ZNF654: variants seen among roughly 807,000 people sequenced by gnomAD.
The protein encoded by ZNF654 is melanoma-associated antigen.
ZNF654 carries 19 observed loss-of-function variants against 95.3 expected under a neutral mutation model. That is an observed-to-expected ratio of 0.20 (90% confidence interval 0.14 to 0.29). ZNF654 has a LOEUF of 0.29. Ranked by LOEUF, ZNF654 falls within the 10% of genes least tolerant of loss-of-function variation. ZNF654 has a pLI of 1.00. For synonymous variants in ZNF654, 413 were observed against 457.9 expected, an observed-to-expected ratio of 0.90 and a Z score of 1.25; for missense variants, 1,046 against 1,341.0, an observed-to-expected ratio of 0.78 and a Z score of 3.44.
At chr3:88,060,283 G>C (rs1246535201) in intron 1 of ZNF654, among the ~76,000 whole-genome samples, 1 of 152,006 alleles carries the variant, frequency 6.6e-6, no homozygotes, top group Non-Finnish European at 1.5e-5. Context: ...GTGTCTGAAC[G>C]GTGACATTAA....
chr3:88,104,113 C>G (rs1435935270), intron 2 of ZNF654, among the ~76,000 whole-genome samples: 3 of 152,012 alleles, frequency 2.0e-5, no homozygotes, highest in African/African-American at 7.2e-5. Context: ...TGTATGTAAT[C>G]AAAAACTGAG....
At chr3:88,094,673 C>A (rs1703953683) in intron 2 of ZNF654, among the ~76,000 whole-genome samples, 1 of 152,020 alleles carries the variant, frequency 6.6e-6, no homozygotes, top group African/African-American at 2.4e-5. Context: ...AAAAGTTATT[C>A]TTTAAAAGAT....
chr3:88,060,567 A>C (rs1290630404), intron 1 of ZNF654, among the ~76,000 whole-genome samples: 1 of 152,176 alleles, frequency 6.6e-6, no homozygotes, highest in African/African-American at 2.4e-5. Flanking sequence ...TTCTGGCTCC[A>C]CCATCTCCTG....
At chr3:88,104,441 A>G (rs569103543) in intron 2 of ZNF654, among the ~76,000 whole-genome samples, 1 of 152,280 alleles carries the variant, frequency 6.6e-6, no homozygotes, top group East Asian at 1.9e-4. Context: ...ACATAAATTA[A>G]TGGATAGCGT....
intron 1 of ZNF654, among the ~76,000 whole-genome samples, chr3:88,067,027 T>A (rs1167606556): frequency 6.6e-6 from 1 of 151,992 alleles, no homozygotes; most frequent in Non-Finnish European, 1.5e-5. Flanking sequence ...ACATTAACAC[T>A]CTCTACTGTC....
chr3:88,094,963 A>G (rs1419687052), intron 2 of ZNF654, among the ~76,000 whole-genome samples: 4 of 152,134 alleles, frequency 2.6e-5, no homozygotes, highest in Non-Finnish European at 4.4e-5. Flanking sequence ...AAGAAAACTT[A>G]TGAGAAATTA....
intron 2 of ZNF654, among the ~76,000 whole-genome samples, chr3:88,108,175 C>T (rs1242348505): frequency 6.6e-6 from 1 of 151,786 alleles, no homozygotes; most frequent in South Asian, 2.1e-4. Context: ...ATTCAGGTCA[C>T]GACCTACATG....
At chr3:88,095,402 C>T (rs372657851) in intron 2 of ZNF654, 23 of 328,184 alleles carry the variant, frequency 7.0e-5, no homozygotes, top group African/African-American at 4.5e-4. Context: ...CAGGGATCAC[C>T]CCCTTTTAGC....
intron 5 of ZNF654, among the ~76,000 whole-genome samples, chr3:88,129,445 A>T (rs1706317568): frequency 6.6e-6 from 1 of 151,916 alleles, no homozygotes; most frequent in African/African-American, 2.4e-5. Context: ...TCTTTTCCTA[A>T]TATGGATCGT....
chr3:88,127,139 G>A (rs1706157222), intron 4 of ZNF654, among the ~76,000 whole-genome samples: 2 of 152,156 alleles, frequency 1.3e-5, no homozygotes, highest in Non-Finnish European at 1.5e-5. Flanking sequence ...GAGAGCCAAT[G>A]GAGTTTAGTT....
chr3:88,139,389 T>C lies in ZNF654; in HGVS notation c.1720T>C (p.Cys574Arg). Residue 574 changes from cysteine to arginine, a missense_variant, in exon 8 of 9, where the codon TGT becomes CGT. By Grantham distance (180) the Cys-to-Arg change is radical. This residue lies in a region of ZNF654 where 7 missense variants were observed against 26.7 expected (regional missense o/e 0.26). Transcript: ENST00000636215. ...TCATCAGAAAAAAGGCAGTTTTGCATGTGTAATATGTGGTAGGAAATTTAG... is the reference window on the plus strand; with the variant it reads ...TCATCAGAAAAAAGGCAGTTTTGCACGTGTAATATGTGGTAGGAAATTTAG... ...QAHQKKGSFA[C>R]VICGRKFRNR... 1 of 1,613,670 alleles carries C rather than the reference T, an allele frequency of 6.2e-7. No individual in the cohort carries two copies.
chr3:88,138,504 C>A (rs189616637), intron 7 of ZNF654, among the ~76,000 whole-genome samples: 3 of 151,866 alleles, frequency 2.0e-5, no homozygotes, highest in Non-Finnish European at 4.4e-5. Context: ...GCTATCTATT[C>A]CAGATTATTT....
intron 3 of ZNF654, among the ~76,000 whole-genome samples, chr3:88,113,711 G>A (rs1249378445): frequency 1.3e-5 from 2 of 152,062 alleles, no homozygotes; most frequent in Non-Finnish European, 2.9e-5. Context: ...ACTACTTACT[G>A]GGAAGCAACC....
At chr3:88,074,349 T>TTTA (rs1247433856) in intron 1 of ZNF654, among the ~76,000 whole-genome samples, 3 of 150,560 alleles carry the variant, frequency 2.0e-5, no homozygotes, top group Middle Eastern at 3.4e-3. Flanking sequence ...TCTTACTTTT[T>TTTA]TTTTTTTTTT....
At chr3:88,138,303 T>G (rs540568240) in intron 7 of ZNF654, among the ~76,000 whole-genome samples, 1 of 152,110 alleles carries the variant, frequency 6.6e-6, no homozygotes, top group African/African-American at 2.4e-5. Context: ...TGTGGAAAAT[T>G]GATAAATCTG....
At chr3:88,093,055 T>G (rs1302225967) in intron 2 of ZNF654, among the ~76,000 whole-genome samples, 3 of 152,220 alleles carry the variant, frequency 2.0e-5, no homozygotes, top group Non-Finnish European at 4.4e-5. Flanking sequence ...TGACTATCCT[T>G]ATAAGATGTA....
At chr3:88,088,128 A>G (rs539755155) in intron 2 of ZNF654, among the ~76,000 whole-genome samples, 1 of 152,236 alleles carries the variant, frequency 6.6e-6, no homozygotes. Context: ...CCTTGGAGCA[A>G]TGACCTTTGC....
In ZNF654 at chr3:88,116,416, A is replaced by ATT. The variant is rs200383224; in HGVS notation, c.414+3220_414+3221insTT. On this transcript the variant is annotated intron_variant, in intron 3 of 8. Coordinates refer to ENST00000636215, the MANE Select transcript of ZNF654 (RefSeq NM_001350134.2). ...ATGCCTGTAATCCCAGCTACTTGGG[A>ATT]GGCTGAGGCAGGAGAATCGCTTGAA... Among the ~76,000 whole-genome samples the ATT allele has an allele frequency of 8.0e-3, 1,216 of 152,132 alleles. 23 individuals carry two copies. The highest frequency in any genetic ancestry group is 0.028 in the African/African-American group (1,154 of 41,500).
chr3:88,109,531 C>T (rs1262355402), intron 2 of ZNF654, among the ~76,000 whole-genome samples: 1 of 152,052 alleles, frequency 6.6e-6, no homozygotes, highest in African/African-American at 2.4e-5. Flanking sequence ...TTTCCTATGG[C>T]AGATAAATGC....
Sources: gnomAD v4.1 joint callset for allele counts (sites outside exome capture counted in the v4.1 genomes callset) on GRCh38, gnomAD v4.1.1 for gene constraint, gnomAD v4.1.1 regional missense constraint, MANE v1.5 for transcripts, NCBI Gene and HGNC (gene_info 2026-07-23, HGNC 2026-07-21) for gene names.